Variants in HOMER2 observed in about 807,000 individuals in gnomAD.
HOMER2 encodes homer protein homolog 2.
Under a neutral mutation model 47.0 loss-of-function variants are expected in HOMER2, and 27 were observed. The observed-to-expected ratio is 0.57, with a 90% CI of 0.42 to 0.79. The LOEUF is 0.79. HOMER2 is among the 30% of genes least tolerant of loss of function. The probability of loss-of-function intolerance (pLI) is 0.00; values close to 1 mark genes in which losing one functional copy is unlikely to be tolerated. For missense variants in HOMER2, 443 were observed against 435.0 expected (o/e 1.02, Z -0.16); for synonymous variants, 161 against 163.8 (o/e 0.98, Z 0.13).
chr15:82,904,483 CT>C (rs2053229166), intron 1 of HOMER2, among the ~76,000 whole-genome samples: 1 of 152,148 alleles, frequency 6.6e-6, no homozygotes, highest in Non-Finnish European at 1.5e-5. Context: ...GAAAAATCCC[CT>C]CGTGCTTGAG....
chr15:82,858,470 A>G (rs936802684), intron 5 of HOMER2, among the ~76,000 whole-genome samples: 20 of 151,844 alleles, frequency 1.3e-4, no homozygotes, highest in Non-Finnish European at 2.4e-4. Flanking sequence ...TTTTTAAAAT[A>G]TTTTTTCTAG....
intron 3 of HOMER2, among the ~76,000 whole-genome samples, chr15:82,871,300 A>G (rs1165973998): frequency 6.6e-6 from 1 of 152,202 alleles, no homozygotes; most frequent in East Asian, 1.9e-4. Context: ...AAGTATGTAT[A>G]AAGTGTTCTT....
intron 1 of HOMER2, among the ~76,000 whole-genome samples, chr15:82,936,749 T>A (rs531855774): frequency 7.2e-6 from 1 of 139,244 alleles, no homozygotes; most frequent in Non-Finnish European, 1.6e-5. Context: ...ATTTTTGTAT[T>A]TTTTTTTTTT....
chr15:82,982,838 A>C (rs1367293602), intron 1 of HOMER2, among the ~76,000 whole-genome samples: 1 of 152,162 alleles, frequency 6.6e-6, no homozygotes, highest in Non-Finnish European at 1.5e-5. Flanking sequence ...CAATTGTCAC[A>C]CTGCCCCTCT....
At chr15:82,899,677 CTAATAAAATCAG>C (rs2053046962) in intron 1 of HOMER2, among the ~76,000 whole-genome samples, 1 of 152,126 alleles carries the variant, frequency 6.6e-6, no homozygotes, top group Non-Finnish European at 1.5e-5. Context: ...TATAAAATCA[CTAATAAAATCAG>C]TAGCCTTCCT....
intron 1 of HOMER2, among the ~76,000 whole-genome samples, chr15:82,931,519 G>A (rs2054009604): frequency 6.7e-6 from 1 of 149,728 alleles, no homozygotes; most frequent in Non-Finnish European, 1.5e-5. Flanking sequence ...TTCATCCTTG[G>A]TGAAGCATGC....
intron 4 of HOMER2, 163 bp from the exon 5 acceptor site, chr15:82,859,298 G>GTT (rs1044665680): frequency 2.1e-5 from 16 of 746,830 alleles, no homozygotes; most frequent in Admixed American, 7.5e-5. Context: ...AGACTAACAA[G>GTT]TTTTTGTTTT....
chr15:82,921,349 A>G (rs776860234), intron 1 of HOMER2, among the ~76,000 whole-genome samples: 1 of 152,060 alleles, frequency 6.6e-6, no homozygotes, highest in Non-Finnish European at 1.5e-5. Flanking sequence ...TTCTCCTGTC[A>G]TCTTATCTGA....
chr15:82,958,771 G>C (rs569749675), exon 2 of HOMER2: 3 of 152,476 alleles, frequency 2.0e-5, no homozygotes, highest in Non-Finnish European at 4.4e-5. Context: ...TGCTGGGAAC[G>C]GGTGGGGAGT....
intron 1 of HOMER2, among the ~76,000 whole-genome samples, chr15:82,944,448 C>T (rs2054328927): frequency 6.6e-6 from 1 of 152,144 alleles, no homozygotes; most frequent in Admixed American, 6.5e-5. Flanking sequence ...CTTCTTTTTG[C>T]TCAATTTATT....
chr15:82,950,678 C>T (rs897059901), intron 1 of HOMER2, among the ~76,000 whole-genome samples: 1 of 152,142 alleles, frequency 6.6e-6, no homozygotes, highest in African/African-American at 2.4e-5. Context: ...ACAAACCAGC[C>T]TTTATCTACG....
intron 3 of HOMER2, among the ~76,000 whole-genome samples, chr15:82,872,689 C>T (rs939986482): frequency 1.9e-4 from 29 of 152,310 alleles, no homozygotes; most frequent in Admixed American, 1.6e-3. Flanking sequence ...CACAGTGCCA[C>T]GACTTCCCTC....
chr15:82,898,459 C>T (rs1267707553), intron 1 of HOMER2: 1 of 152,200 alleles, frequency 6.6e-6, no homozygotes, highest in Non-Finnish European at 1.5e-5. Flanking sequence ...AATATACTCC[C>T]ATTCCTTCTT....
intron 1 of HOMER2, among the ~76,000 whole-genome samples, chr15:82,922,627 G>A (rs2053757641): frequency 6.6e-6 from 1 of 152,128 alleles, no homozygotes; most frequent in African/African-American, 2.4e-5. Flanking sequence ...CAAGTGAAGG[G>A]AGCCTTTTTT....
intron 4 of HOMER2, among the ~76,000 whole-genome samples, chr15:82,860,474 C>A (rs911431043): frequency 1.2e-4 from 18 of 151,964 alleles, no homozygotes; most frequent in African/African-American, 4.1e-4. Context: ...TACAATTATG[C>A]CTAGATTTGC....
Position 82,865,877 on chromosome 15 carries a change from G to T in HOMER2, c.295-1618C>A, listed in dbSNP as rs189423126. ...CTGCCTAGATTTCAGAGGATGTATG[G>T]AAACGTCTGTATGTCCAGGCAGAAG... is the stretch of plus-strand genomic sequence containing the variant. On this transcript the variant is annotated intron_variant, in intron 3 of 8. Transcript: ENST00000450735. Among the ~76,000 whole-genome samples the T allele has an allele frequency of 5.9e-5, 9 of 152,334 alleles. No individual in the cohort carries two copies. The East Asian group carries it at 1.7e-3, about 29-fold the overall frequency.
At chr15:82,910,160 A>G (rs1320387330) in intron 1 of HOMER2, among the ~76,000 whole-genome samples, 4 of 149,660 alleles carry the variant, frequency 2.7e-5, no homozygotes, top group African/African-American at 4.9e-5. Context: ...AAAAAAAAAA[A>G]GGCTAACTTG....
At chr15:82,952,331 C>T (rs1361842602) in intron 1 of HOMER2, among the ~76,000 whole-genome samples, 200 bp downstream of exon 1, 3 of 152,216 alleles carry the variant, frequency 2.0e-5, no homozygotes, top group African/African-American at 7.2e-5. Context: ...GGCCAGGGTG[C>T]CCCTGCTGGG....
chr15:82,983,940 C>T (rs955541188), intron 1 of HOMER2, among the ~76,000 whole-genome samples: 5 of 151,964 alleles, frequency 3.3e-5, no homozygotes, highest in Admixed American at 1.3e-4. Flanking sequence ...CACTCAGTAA[C>T]TAAGTATAGT....
Sources: allele counts gnomAD v4.1 joint callset (sites outside exome capture counted in the v4.1 genomes callset), GRCh38; gene constraint gnomAD v4.1.1; transcripts MANE v1.5; gene names NCBI Gene and HGNC (gene_info 2026-07-23, HGNC 2026-07-21).